PTPRG: variants seen among roughly 807,000 people sequenced by gnomAD.
PTPRG encodes the protein protein tyrosine phosphatase receptor type G.
A neutral mutation model predicts 165.3 loss-of-function variants in PTPRG; 102 were observed. The ratio of observed to expected loss-of-function variants is 0.62; its 90% CI spans 0.53 to 0.73. The LOEUF is 0.73. PTPRG is among the 30% of genes least tolerant of loss of function. The probability of loss-of-function intolerance (pLI) is 0.00; values close to 1 mark genes in which losing one functional copy is unlikely to be tolerated. For missense variants in PTPRG, 1,866 were observed against 1,861.4 expected, an observed-to-expected ratio of 1.00 and a Z score of -0.05; for synonymous variants, 675 against 669.5, an observed-to-expected ratio of 1.01 and a Z score of -0.13.
intron 1 of PTPRG, among the ~76,000 whole-genome samples, chr3:61,603,979 G>A (rs1038958823): frequency 6.6e-6 from 1 of 152,132 alleles, no homozygotes; most frequent in Non-Finnish European, 1.5e-5. Context: ...ACATTCTGAG[G>A]TACTGGGCAT....
intron 2 of PTPRG, among the ~76,000 whole-genome samples, chr3:61,860,190 A>T (rs2037222520): frequency 6.6e-6 from 1 of 152,154 alleles, no homozygotes; most frequent in African/African-American, 2.4e-5. Flanking sequence ...GTTGGATATG[A>T]AATTGAAACA....
At chr3:61,689,035 G>A (rs1285369317) in intron 1 of PTPRG, among the ~76,000 whole-genome samples, 2 of 152,326 alleles carry the variant, frequency 1.3e-5, no homozygotes, top group East Asian at 3.9e-4. Flanking sequence ...GGCGAAACAG[G>A]CCTTACTTAG....
chr3:62,176,578 T>C (rs1217327121), intron 8 of PTPRG, among the ~76,000 whole-genome samples: 1 of 152,126 alleles, frequency 6.6e-6, no homozygotes, highest in Non-Finnish European at 1.5e-5. Context: ...AATGAGGTGC[T>C]CTTACCTTCC....
intron 24 of PTPRG, 46 bp from the exon 25 acceptor site, chr3:62,276,926 T>C: frequency 6.9e-7 from 1 of 1,455,044 alleles, no homozygotes; most frequent in South Asian, 1.1e-5. Context: ...TGGTTCTGTG[T>C]GTATAATAAG....
intron 4 of PTPRG, among the ~76,000 whole-genome samples, chr3:62,004,652 T>A (rs1479287042): frequency 6.6e-6 from 1 of 152,246 alleles, no homozygotes; most frequent in African/African-American, 2.4e-5. Context: ...ATGCTTGTGA[T>A]CTCAGTGATT....
intron 2 of PTPRG, among the ~76,000 whole-genome samples, chr3:61,958,215 C>G (rs1217367507): frequency 6.6e-6 from 1 of 152,100 alleles, no homozygotes; most frequent in Non-Finnish European, 1.5e-5. Flanking sequence ...CAACCTCTGC[C>G]TCCCGAGTTC....
intron 2 of PTPRG, among the ~76,000 whole-genome samples, chr3:61,825,786 G>C (rs2036090490): frequency 3.3e-5 from 5 of 151,268 alleles, no homozygotes; most frequent in Admixed American, 3.3e-4. Flanking sequence ...CTGAAGACTA[G>C]AGCTGTTCCC....
At chr3:62,290,829 G>A (rs1333692547) in intron 28 of PTPRG, among the ~76,000 whole-genome samples, 1 of 152,034 alleles carries the variant, frequency 6.6e-6, no homozygotes, top group East Asian at 1.9e-4. Flanking sequence ...GAACATGTAG[G>A]AGAGTATCTT....
intron 2 of PTPRG, among the ~76,000 whole-genome samples, chr3:61,784,956 T>C (rs185155914): frequency 1.1e-4 from 17 of 152,308 alleles, no homozygotes; most frequent in African/African-American, 3.8e-4. Context: ...TAATGAAATA[T>C]TCATTTCCAA....
intron 2 of PTPRG, among the ~76,000 whole-genome samples, chr3:61,922,212 A>G (rs976096563): frequency 3.3e-5 from 5 of 152,214 alleles, no homozygotes; most frequent in African/African-American, 1.2e-4. Flanking sequence ...GACTTGATTC[A>G]TAGGTAAAAT....
chr3:61,647,587 G>A (rs1241535417), intron 1 of PTPRG, among the ~76,000 whole-genome samples: 6 of 152,016 alleles, frequency 3.9e-5, no homozygotes, highest in East Asian at 3.9e-4. Flanking sequence ...TCAGGAGATC[G>A]AGACCATCCT....
chr3:61,746,556 C>T (rs538959067), intron 1 of PTPRG, among the ~76,000 whole-genome samples: 5 of 152,074 alleles, frequency 3.3e-5, no homozygotes, highest in African/African-American at 1.2e-4. Context: ...TTTTAAGGTC[C>T]TCTGTTAATC....
At chr3:61,703,246 C>T (rs984863363) in intron 1 of PTPRG, among the ~76,000 whole-genome samples, 2 of 152,012 alleles carry the variant, frequency 1.3e-5, no homozygotes, top group African/African-American at 4.8e-5. Flanking sequence ...AGGTGCCACA[C>T]CATTAAACTG....
intron 1 of PTPRG, among the ~76,000 whole-genome samples, chr3:61,656,794 G>A (rs1316029953): frequency 2.0e-5 from 3 of 152,022 alleles, no homozygotes; most frequent in African/African-American, 7.2e-5. Context: ...AGTTGTTTTC[G>A]ATTTGGGGCT....
chr3:62,229,292 C>G lies in PTPRG; in HGVS notation c.2289-1933C>G, dbSNP rs1700839838. Among the ~76,000 whole-genome samples, 1 of 152,090 alleles carries G rather than the reference C, an allele frequency of 6.6e-6. No individual in the cohort carries two copies. Among genetic ancestry groups the G allele is most frequent in the African/African-American group, 2.4e-5 (1 of 41,420 alleles). The stretch of plus-strand genomic sequence containing the variant: ...CTGGGAGATCTGGGTCACATGGCAG[C>G]TAATGCTGTGGATCCCAGGCAACTT... On this transcript the variant is annotated intron_variant, in intron 13 of 29. Transcript: ENST00000474889. This position sits in a 1 kb window ranked among gnomAD's most constrained non-coding sequence, Gnocchi z 4.6.
At chr3:62,074,488 T>TG (rs1701319591) in intron 4 of PTPRG, among the ~76,000 whole-genome samples, 1 of 151,000 alleles carries the variant, frequency 6.6e-6, no homozygotes, top group Non-Finnish European at 1.5e-5. Flanking sequence ...CCTGAATAGG[T>TG]GGGACTACAC....
At position 61,701,962 on chromosome 3, in the gene PTPRG, A is replaced by AG. The variant is rs1177822977; in HGVS notation, c.86-46916_86-46915insG. 1.6e-4 allele frequency among the ~76,000 whole-genome samples: 24 copies of AG among 151,598 alleles called. 1 individual carries two copies. The East Asian group carries it at 4.1e-3, about 26-fold the overall frequency. Reference sequence around the variant, plus strand: ...GGAAGGAAGGAAAGAAAAAAGGAAAAAAGTAGCCTGTGTGCTTTCTTTTCT... The same window carrying AG: ...GGAAGGAAGGAAAGAAAAAAGGAAAAGAAGTAGCCTGTGTGCTTTCTTTTCT... On this transcript the variant is annotated intron_variant, in intron 1 of 29. Coordinates refer to ENST00000474889, the MANE Select transcript of PTPRG (RefSeq NM_002841.4).
chr3:61,588,413 G>A (rs1700488731), intron 1 of PTPRG, among the ~76,000 whole-genome samples: 1 of 149,678 alleles, frequency 6.7e-6, no homozygotes, highest in Non-Finnish European at 1.5e-5. Flanking sequence ...ACAGAGTCTT[G>A]CCCTGTTGCC....
In PTPRG at chr3:61,943,007, T is replaced by C. The variant is rs546026749; in HGVS notation, c.191-46618T>C. Among the ~76,000 whole-genome samples, 89 of 152,154 alleles carry C rather than the reference T, an allele frequency of 5.8e-4. 1 individual carries two copies. The highest frequency in any genetic ancestry group is 2.0e-3 in the African/African-American group (83 of 41,516). On this transcript the variant is annotated intron_variant, in intron 2 of 29. Coordinates refer to ENST00000474889, the MANE Select transcript of PTPRG (RefSeq NM_002841.4). Reference sequence around the variant, plus strand: ...GTCTCACATCTGGGTGCAGATCTCCTTGCCAGGTGCAGAATGGGGACTTTA... The same window carrying C: ...GTCTCACATCTGGGTGCAGATCTCCCTGCCAGGTGCAGAATGGGGACTTTA...
Sources: gnomAD v4.1 joint callset for allele counts (sites outside exome capture counted in the v4.1 genomes callset) on GRCh38, gnomAD v4.1.1 for gene constraint, Gnocchi (gnomAD v3.1) non-coding constraint, MANE v1.5 for transcripts, NCBI Gene and HGNC (gene_info 2026-07-23, HGNC 2026-07-21) for gene names.